Variants in WDR43 observed in about 807,000 individuals in gnomAD.
The protein encoded by WDR43 is WD repeat-containing protein 43.
Under a neutral mutation model 91.4 loss-of-function variants are expected in WDR43, and 13 were observed. That is an observed-to-expected ratio of 0.14 (90% confidence interval 0.09 to 0.23). The LOEUF (loss-of-function observed/expected upper bound fraction) is 0.23. WDR43 is among the 10% of genes least tolerant of loss of function. The probability of loss-of-function intolerance (pLI) is 1.00; values close to 1 mark genes in which losing one functional copy is unlikely to be tolerated. For missense variants in WDR43, 780 were observed against 809.4 expected, an observed-to-expected ratio of 0.96 and a Z score of 0.44; for synonymous variants, 331 against 287.9, an observed-to-expected ratio of 1.15 and a Z score of -1.51.
At chr2:28,897,291 G>GA (rs527297139) in intron 1 of WDR43, among the ~76,000 whole-genome samples, 1 of 151,800 alleles carries the variant, frequency 6.6e-6, no homozygotes, top group Non-Finnish European at 1.5e-5. Context: ...AGATATCTTA[G>GA]AAAAAAAAGG....
chr2:28,895,622 A>G (rs1670465595), intron 1 of WDR43, among the ~76,000 whole-genome samples: 1 of 152,148 alleles, frequency 6.6e-6, no homozygotes, highest in South Asian at 2.1e-4. Context: ...GTGGAGGTTA[A>G]GTGAAGTAGT....
At chr2:28,931,060 CT>C (rs1027758232) in intron 11 of WDR43, among the ~76,000 whole-genome samples, 25 of 147,188 alleles carry the variant, frequency 1.7e-4, no homozygotes, top group Middle Eastern at 3.6e-3. Flanking sequence ...TTGTCTCAAA[CT>C]TTTTTTTTAT....
chr2:28,916,104 G>A (rs1392716832), intron 5 of WDR43, among the ~76,000 whole-genome samples: 1 of 152,156 alleles, frequency 6.6e-6, no homozygotes, highest in African/African-American at 2.4e-5. Flanking sequence ...TATACATTGT[G>A]AAACCCTCAC....
At chr2:28,929,843 C>A in intron 11 of WDR43, 133 bp downstream of exon 11, 1 of 957,120 alleles carries the variant, frequency 1.0e-6, no homozygotes, top group Admixed American at 2.5e-5. Context: ...TGAGTTTAGT[C>A]AAACATGTAT....
At chr2:28,907,604 C>T (rs192097732) in intron 3 of WDR43, among the ~76,000 whole-genome samples, 2,573 of 147,614 alleles carry the variant, frequency 0.017, 66 homozygotes, top group African/African-American at 0.06. Context: ...TGGAGCAAGA[C>T]GCTGTCTCAA....
At chr2:28,940,607 G>T (rs1671417615) in intron 14 of WDR43, among the ~76,000 whole-genome samples, 1 of 152,230 alleles carries the variant, frequency 6.6e-6, no homozygotes, top group Non-Finnish European at 1.5e-5. Context: ...GGGACAGGAA[G>T]AGGCTTGTTC....
chr2:28,918,362 C>A (rs1670957589), intron 6 of WDR43, among the ~76,000 whole-genome samples: 1 of 151,312 alleles, frequency 6.6e-6, no homozygotes, highest in South Asian at 2.1e-4. Flanking sequence ...TTTTTTATCT[C>A]TTTTTTTCTT....
At chr2:28,937,062 C>G in intron 13 of WDR43, 109 bp downstream of exon 13, 2 of 981,088 alleles carry the variant, frequency 2.0e-6, no homozygotes, top group South Asian at 1.6e-5. Flanking sequence ...CAAATATTAA[C>G]CCCTCGCCAC....
At chr2:28,945,067 T>C (rs35937475) in intron 16 of WDR43, among the ~76,000 whole-genome samples, 23,745 of 152,258 alleles carry the variant, frequency 0.16, 2,345 homozygotes, top group Non-Finnish European at 0.22. Context: ...AATTCATGGG[T>C]AGTATGATGT....
chr2:28,938,751 G>C (rs1034230855), intron 14 of WDR43, among the ~76,000 whole-genome samples: 2 of 152,142 alleles, frequency 1.3e-5, no homozygotes, highest in Admixed American at 6.5e-5. Flanking sequence ...GCTTGAATTA[G>C]GGAAAACTTG....
chr2:28,912,746 A>G (rs745318656), intron 4 of WDR43, 36 bp downstream of exon 4: 2 of 1,607,608 alleles, frequency 1.2e-6, no homozygotes, highest in Non-Finnish European at 1.7e-6. Flanking sequence ...CATAAAAATT[A>G]TAGAGTAAAC....
At chr2:28,910,336 A>T (rs941081238) in intron 3 of WDR43, among the ~76,000 whole-genome samples, 3 of 152,242 alleles carry the variant, frequency 2.0e-5, no homozygotes, top group Non-Finnish European at 2.9e-5. Flanking sequence ...TATATGTTGA[A>T]TATTGAATGT....
intron 7 of WDR43, among the ~76,000 whole-genome samples, chr2:28,924,551 C>T (rs568585964): frequency 6.6e-6 from 1 of 152,116 alleles, no homozygotes; most frequent in South Asian, 2.1e-4. Context: ...TGAAGAGAGC[C>T]CCTAGAGAAG....
intron 6 of WDR43, among the ~76,000 whole-genome samples, chr2:28,919,023 T>A (rs1670969803): frequency 1.3e-5 from 2 of 152,190 alleles, no homozygotes; most frequent in African/African-American, 4.8e-5. Context: ...TGTTTCTGGC[T>A]GGGTGTGGTG....
At chr2:28,898,676 A>T (rs902136513) in intron 1 of WDR43, among the ~76,000 whole-genome samples, 3 of 152,014 alleles carry the variant, frequency 2.0e-5, no homozygotes, top group Non-Finnish European at 2.9e-5. Context: ...TATGTAATAA[A>T]CTTAGTGGAT....
At chr2:28,897,329 A>C (rs1670503033) in intron 1 of WDR43, among the ~76,000 whole-genome samples, 2 of 152,234 alleles carry the variant, frequency 1.3e-5, no homozygotes, top group Non-Finnish European at 2.9e-5. Flanking sequence ...TCATCTTATT[A>C]AACCCTTCCT....
rs1671576232 is a variant in WDR43, at chr2:28,947,863, A to ATTTT, written c.*1084_*1085insTTTT. ...AAAGCCTTTGCAAATTATCAGTAGT[A>ATTTT]GTTTTTTTTTTTTTTTTTTTTTTTT... On this transcript the variant is annotated 3_prime_UTR_variant, in exon 18 of 18. Coordinates refer to ENST00000407426, the MANE Select transcript of WDR43 (RefSeq NM_015131.3). 1 of 80,644 alleles carries ATTTT rather than the reference A, an allele frequency of 1.2e-5. No homozygotes were observed. Among genetic ancestry groups the ATTTT allele is most frequent in the African/African-American group, 4.5e-5 (1 of 22,082 alleles). The allele number at this position is 80,644 out of a possible 1,614,324, so 5.0% of individuals were successfully genotyped here.
At position 28,927,682 on chromosome 2, in the gene WDR43, G is replaced by A; in HGVS notation, c.1287G>A (p.Arg429=). ...AAACCGAGCAAGTAGAGAGCAAGAG[G>A]AAGTCAGGGGGAAATGAGGTAATGC... ...PPQTEQVESK[R]KSGGNEVSIE... Residue 429 remains arginine, a synonymous_variant, in exon 10 of 18, where the codon AGG becomes AGA. Coordinates refer to ENST00000407426, the MANE Select transcript of WDR43 (RefSeq NM_015131.3). The A allele has an allele frequency of 6.2e-7, 1 of 1,613,914 alleles. No homozygotes were observed. The highest frequency in any genetic ancestry group is 8.5e-7 in the Non-Finnish European group (1 of 1,179,838).
intron 5 of WDR43, among the ~76,000 whole-genome samples, chr2:28,915,238 A>C (rs549162848): frequency 1.3e-5 from 2 of 152,250 alleles, no homozygotes; most frequent in African/African-American, 4.8e-5. Flanking sequence ...CAGCAAAACC[A>C]TAATTCCTAA....
Sources: gnomAD v4.1 joint callset for allele counts (sites outside exome capture counted in the v4.1 genomes callset) on GRCh38, gnomAD v4.1.1 for gene constraint, MANE v1.5 for transcripts, NCBI Gene and HGNC (gene_info 2026-07-23, HGNC 2026-07-21) for gene names.